Variants in MANBA observed in about 807,000 individuals in gnomAD.
The protein encoded by MANBA is mannosidase beta.
Under a neutral mutation model 111.1 loss-of-function variants are expected in MANBA, and 83 were observed. The ratio of observed to expected loss-of-function variants is 0.75; its 90% CI spans 0.63 to 0.90. The LOEUF is 0.90. MANBA is among the 40% of genes least tolerant of loss of function. The pLI, the probability that MANBA is intolerant of heterozygous loss-of-function variation, is 0.00. For missense variants in MANBA, 1,036 were observed against 1,069.0 expected, an observed-to-expected ratio of 0.97 and a Z score of 0.43; for synonymous variants, 370 against 378.7, an observed-to-expected ratio of 0.98 and a Z score of 0.27.
chr4:102,649,655 T>C (rs1730245141), intron 13 of MANBA, among the ~76,000 whole-genome samples: 1 of 152,202 alleles, frequency 6.6e-6, no homozygotes, highest in Non-Finnish European at 1.5e-5. Flanking sequence ...ATCAAATATA[T>C]GAATTAAAAC....
At chr4:102,644,422 T>C (rs1459525857) in intron 13 of MANBA, among the ~76,000 whole-genome samples, 2 of 152,056 alleles carry the variant, frequency 1.3e-5, no homozygotes, top group East Asian at 3.8e-4. Context: ...ATATACACAA[T>C]AGAATACGAT....
At chr4:102,709,366 AAAAG>A (rs1386677721) in intron 5 of MANBA, among the ~76,000 whole-genome samples, 15 of 145,760 alleles carry the variant, frequency 1.0e-4, no homozygotes, top group Admixed American at 6.1e-4. Flanking sequence ...AAAGAAAAGA[AAAAG>A]AAAGGAAGGA....
intron 8 of MANBA, chr4:102,672,285 G>T: frequency 2.6e-6 from 1 of 387,870 alleles, no homozygotes; most frequent in Non-Finnish European, 4.5e-6. Flanking sequence ...TTGTAAATAT[G>T]CTAAAATGTT....
At chr4:102,640,512 C>T (rs906992707) in intron 13 of MANBA, among the ~76,000 whole-genome samples, 9 of 152,112 alleles carry the variant, frequency 5.9e-5, no homozygotes, top group Non-Finnish European at 8.8e-5. Flanking sequence ...CCTTGATTAC[C>T]GACACCATCA....
intron 1 of MANBA, chr4:102,734,545 C>T (rs756666757): frequency 3.5e-5 from 57 of 1,607,816 alleles, no homozygotes; most frequent in South Asian, 9.9e-5. Context: ...GCTGAGGTGA[C>T]GAGGAAGCCC....
intron 1 of MANBA, among the ~76,000 whole-genome samples, chr4:102,736,263 C>A (rs1349572676): frequency 6.6e-6 from 1 of 152,188 alleles, no homozygotes; most frequent in Non-Finnish European, 1.5e-5. Context: ...GCTTATAAAG[C>A]AGCAGCCATG....
chr4:102,721,140 A>G (rs1225024668), intron 4 of MANBA, among the ~76,000 whole-genome samples: 2 of 152,184 alleles, frequency 1.3e-5, no homozygotes, highest in Non-Finnish European at 2.9e-5. Context: ...CCTGGCCAAC[A>G]TGGCGAAACT....
chr4:102,716,309 CAAAAAAAAA>C (rs56345161), intron 4 of MANBA, among the ~76,000 whole-genome samples: 2 of 39,114 alleles, frequency 5.1e-5, no homozygotes, highest in African/African-American at 8.5e-5. Flanking sequence ...AACTCAGTCT[CAAAAAAAAA>C]AAAAAAAAAA....
chr4:102,640,106 T>C (rs1054079070), intron 13 of MANBA, among the ~76,000 whole-genome samples: 1 of 151,918 alleles, frequency 6.6e-6, no homozygotes, highest in Non-Finnish European at 1.5e-5. Flanking sequence ...ATGGTGACAA[T>C]GGAAATAGGA....
chr4:102,724,110 A>T (rs1722692980), intron 2 of MANBA, 143 bp from the exon 3 acceptor site: 1 of 637,864 alleles, frequency 1.6e-6, no homozygotes, highest in Non-Finnish European at 2.8e-6. Context: ...TGACATTTTC[A>T]GAAGTACTGC....
At chr4:102,754,451 T>A (rs930516209) in intron 1 of MANBA, among the ~76,000 whole-genome samples, 1 of 152,186 alleles carries the variant, frequency 6.6e-6, no homozygotes, top group Non-Finnish European at 1.5e-5. Context: ...GTATATAACA[T>A]AATTTTTAAA....
Position 102,689,359 on chromosome 4 carries a change from AATATAT to A in MANBA, c.960+209_960+214del, listed in dbSNP as rs1192229674. On this transcript the variant is annotated intron_variant, in intron 7 of 16. Coordinates refer to ENST00000647097, the MANE Select transcript of MANBA (RefSeq NM_005908.4). ...GCAAGACTCTGTCTCAAAAAAAAAA[AATATAT>A]ATATATATATATATGTGTGTGTGTA... Among the ~76,000 whole-genome samples, 5 of 100,442 alleles carry A rather than the reference AATATAT, an allele frequency of 5.0e-5. No individual in the cohort carries two copies. In the South Asian group the frequency reaches 2.4e-3, roughly 49 times the overall value. The allele number at this position is 100,442 out of a possible 152,430, so 65.9% of individuals were successfully genotyped here.
intron 9 of MANBA, chr4:102,671,062 A>C: frequency 2.2e-6 from 1 of 452,618 alleles, no homozygotes; most frequent in Non-Finnish European, 4.0e-6. Flanking sequence ...GTATACTGGG[A>C]TATAAATAAT....
chr4:102,709,402 A>AG (rs1721947862), intron 5 of MANBA, among the ~76,000 whole-genome samples: 1 of 101,476 alleles, frequency 9.9e-6, no homozygotes, highest in Non-Finnish European at 2.4e-5. Context: ...AAGAAAGAAA[A>AG]AAAAGAAAGA....
rs764967043 is a variant in MANBA, at chr4:102,650,576, A to T, written c.1830T>A (p.Asp610Glu). The T allele has an allele frequency of 6.2e-7, 1 of 1,613,514 alleles. No homozygotes were observed. Among genetic ancestry groups the T allele is most frequent in the East Asian group, 2.2e-5 (1 of 44,864 alleles). Residue 610 changes from aspartate to glutamate, a missense_variant, in exon 13 of 17, where the codon GAT becomes GAA. Coordinates refer to ENST00000647097, the MANE Select transcript of MANBA (RefSeq NM_005908.4). ...TGGTATCTTTAAATGTGCGTAATGG[A>T]TCTGTGCTTTGGGGGAGTTTGAAAT... is the stretch of plus-strand genomic sequence containing the variant. ...GLHFKLPQST[D>E]PLRTFKDTIY...
rs569817106 is a variant in MANBA, at chr4:102,696,322, C to T, written c.674-5551G>A. 4.1e-4 allele frequency among the ~76,000 whole-genome samples: 62 copies of T among 152,254 alleles called. 2 individuals are homozygous for T. The highest frequency in any genetic ancestry group is 3.5e-3 in the Admixed American group (54 of 15,284). ...TTTATATGATGCCACAGTTCCTGTA[C>T]TTATCAAAATACTGTCTTTGTAACC... On this transcript the variant is annotated intron_variant, in intron 5 of 16. Transcript: ENST00000647097.
intron 2 of MANBA, among the ~76,000 whole-genome samples, chr4:102,725,767 C>T (rs899242281): frequency 6.6e-6 from 1 of 151,882 alleles, no homozygotes; most frequent in African/African-American, 2.4e-5. Context: ...AGGGGCCAAA[C>T]CAAGAGAAAT....
intron 1 of MANBA, among the ~76,000 whole-genome samples, chr4:102,753,396 GA>G (rs1392588686): frequency 3.3e-5 from 5 of 151,892 alleles, no homozygotes. Flanking sequence ...ATTTTTAAAA[GA>G]ATTTTAATCA....
intron 7 of MANBA, among the ~76,000 whole-genome samples, chr4:102,675,427 C>G (rs1333365493): frequency 6.6e-6 from 1 of 152,116 alleles, no homozygotes; most frequent in African/African-American, 2.4e-5. Context: ...CAGAGATTAA[C>G]TCAGTTTGTT....
Sources: allele counts gnomAD v4.1 joint callset (sites outside exome capture counted in the v4.1 genomes callset), GRCh38; gene constraint gnomAD v4.1.1; transcripts MANE v1.5; gene names NCBI Gene and HGNC (gene_info 2026-07-23, HGNC 2026-07-21).